Variants in NFATC2 observed in about 807,000 individuals in gnomAD.
NFATC2 encodes nuclear factor of activated T-cells, cytoplasmic 2.
NFATC2 carries 22 observed loss-of-function variants against 87.3 expected under a neutral mutation model. That is an observed-to-expected ratio of 0.25 (90% CI 0.18 to 0.36). The LOEUF is 0.36. Among genes scored for constraint, NFATC2 ranks in the 10% least tolerant of loss-of-function variants. The pLI is 1.00. For missense variants in NFATC2, 1,149 were observed against 1,259.1 expected, an observed-to-expected ratio of 0.91 and a Z score of 1.32; for synonymous variants, 565 against 542.2, an observed-to-expected ratio of 1.04 and a Z score of -0.58.
upstream of NFATC2, among the ~76,000 whole-genome samples, chr20:51,546,455 G>A (rs570696621): frequency 3.9e-5 from 6 of 152,306 alleles, no homozygotes; most frequent in South Asian, 1.0e-3. Context: ...TTTATGCATC[G>A]AGAGTGACTC....
At chr20:51,504,201 T>C (rs2146640798) in intron 3 of NFATC2, among the ~76,000 whole-genome samples, 1 of 152,282 alleles carries the variant, frequency 6.6e-6, no homozygotes, top group Non-Finnish European at 1.5e-5. Flanking sequence ...TTTGTATTTT[T>C]AGTAGAGATG....
intron 1 of NFATC2, among the ~76,000 whole-genome samples, chr20:51,559,068 G>A (rs1163677043): frequency 6.6e-6 from 1 of 152,230 alleles, no homozygotes; most frequent in Non-Finnish European, 1.5e-5. Context: ...AGGCTTGCAA[G>A]CTGGAGGGGC....
chr20:51,484,600 C>T (rs774713951), intron 3 of NFATC2, among the ~76,000 whole-genome samples: 1 of 152,218 alleles, frequency 6.6e-6, no homozygotes, highest in African/African-American at 2.4e-5. Flanking sequence ...GCAGTCTCTC[C>T]AGACCTACGC....
chr20:51,409,727 A>G (rs1357053878), intron 9 of NFATC2, among the ~76,000 whole-genome samples: 5 of 152,268 alleles, frequency 3.3e-5, no homozygotes, highest in East Asian at 1.9e-4. Flanking sequence ...GTCAGACGAC[A>G]GTATGCGACT....
chr20:51,411,061 T>C (rs1053183563), intron 9 of NFATC2, among the ~76,000 whole-genome samples: 17 of 152,178 alleles, frequency 1.1e-4, no homozygotes, highest in Non-Finnish European at 2.2e-4. Context: ...GTGCCAGGCC[T>C]TGTTCTAAGC....
At chr20:51,542,740 C>G, upstream of NFATC2, 1 of 123,076 alleles carries the variant, frequency 8.1e-6, no homozygotes, top group South Asian at 5.4e-4. Flanking sequence ...CTGTTGCAGC[C>G]CGGGGAGGCG....
chr20:51,512,837 A>T (rs2076293026), intron 3 of NFATC2, among the ~76,000 whole-genome samples: 1 of 152,180 alleles, frequency 6.6e-6, no homozygotes, highest in Non-Finnish European at 1.5e-5. Flanking sequence ...AGAGATAAAG[A>T]GTGAGACAGA....
At chr20:51,428,119 T>C (rs1982128477) in intron 9 of NFATC2, among the ~76,000 whole-genome samples, 1 of 150,508 alleles carries the variant, frequency 6.6e-6, no homozygotes, top group Non-Finnish European at 1.5e-5. Context: ...GAAGGAAGGG[T>C]TAAGGACAGG....
At chr20:51,397,164 G>T (rs937790147) in intron 10 of NFATC2, among the ~76,000 whole-genome samples, 2 of 152,174 alleles carry the variant, frequency 1.3e-5, no homozygotes, top group Non-Finnish European at 2.9e-5. Context: ...ACAGGCGTGA[G>T]CCACCATGCC....
At chr20:51,472,676 C>T (rs1170903928) in intron 5 of NFATC2, among the ~76,000 whole-genome samples, 1 of 135,880 alleles carries the variant, frequency 7.4e-6, no homozygotes, top group Non-Finnish European at 1.5e-5. Flanking sequence ...CACTCTGTTG[C>T]CCAGGCTGGA....
intron 5 of NFATC2, among the ~76,000 whole-genome samples, chr20:51,461,508 G>C (rs990660272): frequency 6.6e-6 from 1 of 152,088 alleles, no homozygotes; most frequent in South Asian, 2.1e-4. Context: ...AAAGTGGCTT[G>C]GGGGGGCTCT....
chr20:51,511,004 G>C (rs1446846080), intron 3 of NFATC2, among the ~76,000 whole-genome samples: 1 of 152,144 alleles, frequency 6.6e-6, no homozygotes, highest in Admixed American at 6.5e-5. Context: ...TTTGATTTAT[G>C]GCCAAAACTG....
chr20:51,491,730 C>A (rs1377229927), intron 3 of NFATC2, among the ~76,000 whole-genome samples: 1 of 152,070 alleles, frequency 6.6e-6, no homozygotes, highest in Non-Finnish European at 1.5e-5. Context: ...CCAGGACACT[C>A]CTGGGCACCC....
intron 6 of NFATC2, among the ~76,000 whole-genome samples, chr20:51,437,553 G>C (rs77442367): frequency 6.6e-6 from 1 of 152,080 alleles, no homozygotes; most frequent in Non-Finnish European, 1.5e-5. Flanking sequence ...GACTTCAAGC[G>C]TTCTTAAACA....
intron 5 of NFATC2, among the ~76,000 whole-genome samples, chr20:51,464,725 G>C (rs6096441): frequency 0.14 from 22,037 of 152,136 alleles, 1,991 homozygotes; most frequent in African/African-American, 0.25. Flanking sequence ...CCCTTGAGTT[G>C]GTCTCTGATT....
chr20:51,525,203 G>C (rs1428975586), intron 1 of NFATC2, among the ~76,000 whole-genome samples: 1 of 152,220 alleles, frequency 6.6e-6, no homozygotes, highest in Non-Finnish European at 1.5e-5. Flanking sequence ...CTGGGTGATA[G>C]AGTGAGACTC....
Position 51,421,080 on chromosome 20 carries a change from A to C in NFATC2, c.2722+10987T>G, listed in dbSNP as rs553844429. 2.6e-5 allele frequency among the ~76,000 whole-genome samples: 4 copies of C among 151,928 alleles called. No homozygotes were observed. In the South Asian group the frequency reaches 6.2e-4, roughly 24 times the overall value. On this transcript the variant is annotated intron_variant, in intron 9 of 10. Transcript: ENST00000371564. ...TAGCAAGACCCTATGTCTTAAAAAAAAAAAAAAACAAAAAAAACTAATAAC... is the reference window on the plus strand; with the variant it reads ...TAGCAAGACCCTATGTCTTAAAAAACAAAAAAAACAAAAAAAACTAATAAC...
chr20:51,525,081 G>A (rs544043442), intron 1 of NFATC2, among the ~76,000 whole-genome samples: 24 of 152,202 alleles, frequency 1.6e-4, no homozygotes, highest in Admixed American at 1.2e-3. Context: ...TTAGCCAGGC[G>A]TGGTGGCACA....
At chr20:51,457,348 C>G (rs1986661360) in intron 5 of NFATC2, among the ~76,000 whole-genome samples, 1 of 152,202 alleles carries the variant, frequency 6.6e-6, no homozygotes, top group African/African-American at 2.4e-5. Context: ...CTGGGCAAGC[C>G]AGCCCAAGGC....
Sources: gnomAD v4.1 joint callset for allele counts (sites outside exome capture counted in the v4.1 genomes callset) on GRCh38, gnomAD v4.1.1 for gene constraint, MANE v1.5 for transcripts, NCBI Gene and HGNC (gene_info 2026-07-23, HGNC 2026-07-21) for gene names.